The following NEK11 variants were observed in gnomAD, a reference collection of about 807,000 sequenced individuals.
NEK11 encodes serine/threonine-protein kinase Nek11.
In NEK11, 72 loss-of-function variants were observed where a neutral mutation model predicts 80.7. That is an observed-to-expected ratio of 0.89 (90% CI 0.74 to 1.08). NEK11 has a LOEUF of 1.08. Among genes scored for constraint, NEK11 ranks in the 50% least tolerant of loss-of-function variants. The pLI is 0.00. For missense variants in NEK11, 764 were observed against 763.6 expected (o/e 1.00, Z -0.01); for synonymous variants, 251 against 260.7 (o/e 0.96, Z 0.36).
At chr3:131,176,421 A>T (rs1283243745) in intron 14 of NEK11, among the ~76,000 whole-genome samples, 1 of 152,170 alleles carries the variant, frequency 6.6e-6, no homozygotes, top group Non-Finnish European at 1.5e-5. Context: ...CACTTATTCC[A>T]CTGAGTTACA....
At chr3:131,128,945 A>G (rs1411723356) in intron 5 of NEK11, among the ~76,000 whole-genome samples, 1 of 151,116 alleles carries the variant, frequency 6.6e-6, no homozygotes, top group African/African-American at 2.4e-5. Context: ...TGCCTTTTGT[A>G]TATCATCTTT....
chr3:131,305,302 G>C (rs2096711351), intron 17 of NEK11, among the ~76,000 whole-genome samples: 1 of 152,064 alleles, frequency 6.6e-6, no homozygotes, highest in Non-Finnish European at 1.5e-5. Flanking sequence ...AGGTCTGCTG[G>C]AGTTCTCCAA....
chr3:131,033,852 G>A lies in NEK11; in HGVS notation c.170+3974G>A, dbSNP rs931642085. On this transcript the variant is annotated intron_variant, in intron 3 of 17. Transcript: ENST00000383366. ...AGTTTTCTTCCTGGCATAAATATTG[G>A]GCATCCCTTTTTTCATTATCACAGT... Among the ~76,000 whole-genome samples, 6 of 151,938 alleles carry A rather than the reference G, an allele frequency of 3.9e-5. No homozygotes were observed. The South Asian group carries it at 1.2e-3, about 32-fold the overall frequency.
At chr3:131,259,613 G>C in intron 16 of NEK11, among the ~76,000 whole-genome samples, 1 of 152,112 alleles carries the variant, frequency 6.6e-6, no homozygotes, top group East Asian at 1.9e-4. Context: ...GGGAGAAGTT[G>C]AGCAGTGATG....
intron 14 of NEK11, among the ~76,000 whole-genome samples, chr3:131,198,659 G>A (rs915534667): frequency 6.6e-6 from 1 of 152,180 alleles, no homozygotes; most frequent in African/African-American, 2.4e-5. Flanking sequence ...TATGCCATGG[G>A]TTGCAAGCTC....
intron 16 of NEK11, among the ~76,000 whole-genome samples, chr3:131,264,953 G>A (rs2096017138): frequency 6.6e-6 from 1 of 152,040 alleles, no homozygotes; most frequent in African/African-American, 2.4e-5. Flanking sequence ...TGGATTCCTA[G>A]GTATTTTATT....
chr3:131,174,902 G>T, intron 14 of NEK11: 5 of 1,472,290 alleles, frequency 3.4e-6, no homozygotes, highest in Non-Finnish European at 3.6e-6. Context: ...GTAGGCCTTG[G>T]CTGCTTACCC....
rs114658954 is a variant in NEK11 at position 131,071,794 on chromosome 3, T to C, written c.171-8629T>C. Among the ~76,000 whole-genome samples the C allele has an allele frequency of 3.3e-3, 505 of 152,236 alleles. 1 individual carries two copies. The highest frequency in any genetic ancestry group is 0.012 in the African/African-American group (480 of 41,562). On this transcript the variant is annotated intron_variant, in intron 3 of 17. Transcript: ENST00000383366. ...TGTCATGATTTTTAAAAGATTCATATCAATGCTCAAATAGAAAAGAGCCAA... is the reference window on the plus strand; with the variant it reads ...TGTCATGATTTTTAAAAGATTCATACCAATGCTCAAATAGAAAAGAGCCAA...
intron 16 of NEK11, among the ~76,000 whole-genome samples, chr3:131,252,107 A>C (rs2108300607): frequency 6.6e-6 from 1 of 152,252 alleles, no homozygotes; most frequent in Non-Finnish European, 1.5e-5. Flanking sequence ...AATAATAGTT[A>C]GAGCTTATTA....
At chr3:131,085,978 A>T (rs2075926850) in intron 4 of NEK11, among the ~76,000 whole-genome samples, 1 of 152,014 alleles carries the variant, frequency 6.6e-6, no homozygotes, top group African/African-American at 2.4e-5. Flanking sequence ...ATTTTGTAGA[A>T]TGTCTCTCAG....
intron 17 of NEK11, among the ~76,000 whole-genome samples, chr3:131,342,511 T>C (rs533712465): frequency 1.3e-5 from 2 of 152,132 alleles, no homozygotes; most frequent in African/African-American, 2.4e-5. Flanking sequence ...AGAAATTACA[T>C]GTTTTTCACT....
intron 7 of NEK11, among the ~76,000 whole-genome samples, chr3:131,146,281 T>G (rs191078915): frequency 1.7e-4 from 26 of 152,218 alleles, no homozygotes; most frequent in Admixed American, 7.9e-4. Flanking sequence ...GATTATTATG[T>G]GTGTGTTAGG....
At chr3:131,316,651 T>C (rs370476695) in intron 17 of NEK11, among the ~76,000 whole-genome samples, 32 of 152,366 alleles carry the variant, frequency 2.1e-4, no homozygotes, top group African/African-American at 7.7e-4. Flanking sequence ...TTTGCTTTTT[T>C]TGTTGATACT....
chr3:131,063,557 T>C (rs2071319072), intron 3 of NEK11, among the ~76,000 whole-genome samples: 1 of 152,040 alleles, frequency 6.6e-6, no homozygotes, highest in South Asian at 2.1e-4. Flanking sequence ...GGATCATGAA[T>C]AGAGGAGGTG....
At chr3:131,041,457 TA>T (rs1241251036) in intron 3 of NEK11, among the ~76,000 whole-genome samples, 2 of 152,288 alleles carry the variant, frequency 1.3e-5, no homozygotes, top group South Asian at 2.1e-4. Context: ...TTCCCACAGA[TA>T]AAGCTTATTT....
At chr3:131,129,052 CTTTT>C (rs759751535) in intron 5 of NEK11, among the ~76,000 whole-genome samples, 2 of 109,548 alleles carry the variant, frequency 1.8e-5, no homozygotes, top group Admixed American at 1.1e-4. Context: ...GGATAACAGT[CTTTT>C]TTTTTTTTTT....
In NEK11 at chr3:131,268,705, C is replaced by G. The variant is rs541905862; in HGVS notation, c.1622-4773C>G. On this transcript the variant is annotated intron_variant, in intron 16 of 17. Coordinates refer to ENST00000383366, the MANE Select transcript of NEK11 (RefSeq NM_024800.5). Reference sequence around the variant, plus strand: ...AAACTCTCCTGTATTTGTCTGTCAACCCCTGCTGGGAGGTGTCTCCCAGTC... The same window carrying G: ...AAACTCTCCTGTATTTGTCTGTCAAGCCCTGCTGGGAGGTGTCTCCCAGTC... Among the ~76,000 whole-genome samples the G allele has an allele frequency of 4.3e-4, 66 of 152,362 alleles. 1 individual carries two copies. Among genetic ancestry groups the G allele is most frequent in the African/African-American group, 1.5e-3 (64 of 41,592 alleles).
chr3:131,222,288 G>A (rs538969435), intron 14 of NEK11, among the ~76,000 whole-genome samples: 1 of 152,254 alleles, frequency 6.6e-6, no homozygotes, highest in South Asian at 2.1e-4. Context: ...TGAAAAGTGG[G>A]CAGAAAAATG....
At chr3:131,236,249 C>G (rs1228509613) in intron 15 of NEK11, among the ~76,000 whole-genome samples, 1 of 152,178 alleles carries the variant, frequency 6.6e-6, no homozygotes, top group Non-Finnish European at 1.5e-5. Flanking sequence ...GGTAGCTTTT[C>G]TTTCACTGTG....
Sources: gnomAD v4.1 joint callset for allele counts (sites outside exome capture counted in the v4.1 genomes callset) on GRCh38, gnomAD v4.1.1 for gene constraint, MANE v1.5 for transcripts, NCBI Gene and HGNC (gene_info 2026-07-23, HGNC 2026-07-21) for gene names.